Variants in KCNB2 observed in about 807,000 individuals in gnomAD.
KCNB2 encodes potassium voltage-gated channel subfamily B member 2.
A neutral mutation model predicts 61.5 loss-of-function variants in KCNB2; 15 were observed. That is an observed-to-expected ratio of 0.24 (90% CI 0.16 to 0.38). KCNB2 has a LOEUF of 0.38. Among genes scored for constraint, KCNB2 ranks in the 10% least tolerant of loss-of-function variants. The probability of loss-of-function intolerance (pLI) is 1.00; values close to 1 mark genes in which losing one functional copy is unlikely to be tolerated. For missense variants in KCNB2, 828 were observed against 1,125.2 expected (o/e 0.74, Z 3.78); for synonymous variants, 457 against 446.0 (o/e 1.02, Z -0.31).
chr8:72,763,696 G>A (rs984610442), intron 2 of KCNB2, among the ~76,000 whole-genome samples: 1 of 152,144 alleles, frequency 6.6e-6, no homozygotes, highest in Non-Finnish European at 1.5e-5. Flanking sequence ...TTCTTTAAAC[G>A]ATTACTCAAA....
At chr8:72,713,909 T>C (rs1216058165) in intron 2 of KCNB2, among the ~76,000 whole-genome samples, 1 of 151,926 alleles carries the variant, frequency 6.6e-6, no homozygotes, top group Non-Finnish European at 1.5e-5. Flanking sequence ...TTAAAAACTT[T>C]GAAAAAAAAT....
intron 1 of KCNB2, among the ~76,000 whole-genome samples, chr8:72,564,527 CTAA>C (rs1319444764): frequency 6.6e-6 from 1 of 152,176 alleles, no homozygotes; most frequent in Non-Finnish European, 1.5e-5. Flanking sequence ...GTACCTACAA[CTAA>C]GTTATTTAGT....
chr8:72,932,215 A>G (rs1806799839), intron 2 of KCNB2, among the ~76,000 whole-genome samples: 1 of 152,202 alleles, frequency 6.6e-6, no homozygotes, highest in South Asian at 2.1e-4. Context: ...AGGCCTGGAA[A>G]TTATCCCCAG....
intron 2 of KCNB2, among the ~76,000 whole-genome samples, chr8:72,683,301 A>G (rs1806794741): frequency 6.6e-6 from 1 of 152,176 alleles, no homozygotes. Context: ...TCATGCATGT[A>G]AGCATTAATT....
intron 2 of KCNB2, among the ~76,000 whole-genome samples, chr8:72,867,286 T>C (rs1805536138): frequency 1.3e-5 from 2 of 152,192 alleles, no homozygotes; most frequent in South Asian, 4.1e-4. Context: ...GATGTGAATA[T>C]TTACTCATTT....
intron 2 of KCNB2, among the ~76,000 whole-genome samples, chr8:72,828,217 A>G (rs1183748294): frequency 6.6e-6 from 1 of 152,248 alleles, no homozygotes; most frequent in Non-Finnish European, 1.5e-5. Flanking sequence ...TTACTATAGT[A>G]TATTGTTAAG....
chr8:72,825,427 G>A (rs1432115859), intron 2 of KCNB2, among the ~76,000 whole-genome samples: 1 of 152,168 alleles, frequency 6.6e-6, no homozygotes, highest in African/African-American at 2.4e-5. Flanking sequence ...GGGAAATGCT[G>A]CATCATATGG....
intron 2 of KCNB2, among the ~76,000 whole-genome samples, chr8:72,833,535 AAG>A: frequency 6.6e-6 from 1 of 152,304 alleles, no homozygotes; most frequent in South Asian, 2.1e-4. Flanking sequence ...TGAAAATTGA[AAG>A]AGGGGAATCA....
At chr8:72,933,100 G>C (rs899657500) in intron 2 of KCNB2, among the ~76,000 whole-genome samples, 3 of 152,164 alleles carry the variant, frequency 2.0e-5, no homozygotes, top group African/African-American at 7.2e-5. Flanking sequence ...ATGGCTTAAG[G>C]GCTTGAATGA....
chr8:72,925,606 G>A (rs73319469), intron 2 of KCNB2, among the ~76,000 whole-genome samples: 7,542 of 152,274 alleles, frequency 0.05, 593 homozygotes, highest in African/African-American at 0.17. Context: ...CCAAGCTGGC[G>A]AAATTGTGGA....
At chr8:72,934,394 C>CAAAAAAAA (rs11392513) in intron 2 of KCNB2, among the ~76,000 whole-genome samples, 6 of 83,794 alleles carry the variant, frequency 7.2e-5, no homozygotes, top group East Asian at 3.6e-4. Context: ...TCACCCCCCG[C>CAAAAAAAA]AAAAAAAAAA....
At chr8:72,675,900 G>A (rs1806646112) in intron 2 of KCNB2, among the ~76,000 whole-genome samples, 1 of 152,138 alleles carries the variant, frequency 6.6e-6, no homozygotes, top group East Asian at 1.9e-4. Flanking sequence ...TCAGATGTAA[G>A]AGCTCCATTG....
intron 2 of KCNB2, among the ~76,000 whole-genome samples, chr8:72,710,611 C>A (rs115326275): frequency 6.6e-6 from 1 of 152,152 alleles, no homozygotes; most frequent in Non-Finnish European, 1.5e-5. Context: ...ACTGAGCTGA[C>A]TTACCAGTGG....
chr8:72,637,416 T>G (rs923727183), intron 2 of KCNB2, among the ~76,000 whole-genome samples: 4 of 151,674 alleles, frequency 2.6e-5, no homozygotes, highest in Admixed American at 6.6e-5. Context: ...ATCTTTTTTT[T>G]GTAGGGAAAT....
chr8:72,888,242 C>T (rs1235931414), intron 2 of KCNB2, among the ~76,000 whole-genome samples: 1 of 152,050 alleles, frequency 6.6e-6, no homozygotes, highest in Non-Finnish European at 1.5e-5. Context: ...AGTGGGACTA[C>T]AAGCACACAC....
chr8:72,712,086 TA>T (rs1241404779), intron 2 of KCNB2, among the ~76,000 whole-genome samples: 1 of 152,252 alleles, frequency 6.6e-6, no homozygotes, highest in Non-Finnish European at 1.5e-5. Flanking sequence ...AATATCCTTT[TA>T]ATTTGCCTTC....
At chr8:72,718,610 A>G (rs1807489467) in intron 2 of KCNB2, among the ~76,000 whole-genome samples, 1 of 146,732 alleles carries the variant, frequency 6.8e-6, no homozygotes, top group Non-Finnish European at 1.5e-5. Flanking sequence ...TGGGAATTGA[A>G]CAACGAGAAC....
intron 2 of KCNB2, among the ~76,000 whole-genome samples, chr8:72,810,249 G>T (rs771258185): frequency 7.9e-5 from 12 of 152,226 alleles, no homozygotes; most frequent in Non-Finnish European, 1.6e-4. Context: ...GGACAGAAAG[G>T]CTGCAAGGTT....
At chr8:72,669,779 T>A (rs1806533085) in intron 2 of KCNB2, among the ~76,000 whole-genome samples, 1 of 152,212 alleles carries the variant, frequency 6.6e-6, no homozygotes, top group Non-Finnish European at 1.5e-5. Flanking sequence ...AAGAACCAGC[T>A]TTTATGTACA....
Sources: allele counts gnomAD v4.1 joint callset (sites outside exome capture counted in the v4.1 genomes callset), GRCh38; gene constraint gnomAD v4.1.1; transcripts MANE v1.5; gene names NCBI Gene and HGNC (gene_info 2026-07-23, HGNC 2026-07-21).